The following CNOT6L variants were observed in gnomAD, a reference collection of about 807,000 sequenced individuals.
CNOT6L encodes the protein CCR4-NOT transcription complex subunit 6 like.
CNOT6L carries 7 observed loss-of-function variants against 64.0 expected under a neutral mutation model. The ratio of observed to expected loss-of-function variants is 0.11; its 90% CI spans 0.06 to 0.21. CNOT6L has a LOEUF of 0.21. CNOT6L is among the 10% of genes least tolerant of loss of function. CNOT6L has a pLI of 1.00. For missense variants in CNOT6L, 245 were observed against 669.0 expected (o/e 0.37, Z 6.99); for synonymous variants, 193 against 243.4 (o/e 0.79, Z 1.93).
chr4:77,716,407 A>C lies in CNOT6L; in HGVS notation c.*4024T>G, dbSNP rs2109831648. On this transcript the variant is annotated 3_prime_UTR_variant, in exon 12 of 12. Coordinates refer to ENST00000504123, the MANE Select transcript of CNOT6L (RefSeq NM_144571.3). ...TTAGGAATGACATAATGATGTGGTT[A>C]TATGCCTCTGGTTCTTCAAAGAATG... The C allele has an allele frequency of 6.6e-6, 1 of 152,240 alleles. No homozygotes were observed. The highest frequency in any genetic ancestry group is 2.1e-4 in the South Asian group (1 of 4,832). The allele number at this position is 152,240 out of a possible 1,614,324, so 9.4% of individuals were successfully genotyped here.
intron 1 of CNOT6L, among the ~76,000 whole-genome samples, chr4:77,795,601 T>C (rs1469267293): frequency 2.0e-5 from 3 of 152,152 alleles, no homozygotes; most frequent in East Asian, 1.9e-4. Context: ...GTCTCTCTCC[T>C]GCTGGCCTTG....
intron 1 of CNOT6L, among the ~76,000 whole-genome samples, chr4:77,789,807 T>G (rs1729908736): frequency 6.6e-6 from 1 of 151,814 alleles, no homozygotes; most frequent in Non-Finnish European, 1.5e-5. Flanking sequence ...AAAAATTAGC[T>G]GGGCATTGTG....
At chr4:77,738,750 T>A (rs1368400521) in intron 8 of CNOT6L, among the ~76,000 whole-genome samples, 2 of 15,342 alleles carry the variant, frequency 1.3e-4, no homozygotes, top group Non-Finnish European at 1.7e-4. Context: ...TGAAACTCCG[T>A]CTCAAAAAAA....
intron 1 of CNOT6L, chr4:77,819,076 C>T: frequency 3.5e-6 from 1 of 282,484 alleles, no homozygotes; most frequent in East Asian, 6.1e-5. Context: ...ACACACACAC[C>T]CCGGAACCTT....
chr4:77,784,500 AT>A (rs71214369), intron 1 of CNOT6L, among the ~76,000 whole-genome samples: 3,023 of 144,650 alleles, frequency 0.021, 89 homozygotes, highest in African/African-American at 0.068. Flanking sequence ...AATATAATCT[AT>A]TTTTTTTTTT....
intron 3 of CNOT6L, among the ~76,000 whole-genome samples, chr4:77,774,021 T>C (rs1305247783): frequency 3.9e-5 from 6 of 152,202 alleles, no homozygotes; most frequent in African/African-American, 1.4e-4. Flanking sequence ...CAGATAATCA[T>C]TGGAAACATT....
At chr4:77,769,079 C>T (rs1375062357) in intron 4 of CNOT6L, among the ~76,000 whole-genome samples, 1 of 152,108 alleles carries the variant, frequency 6.6e-6, no homozygotes, top group Non-Finnish European at 1.5e-5. Flanking sequence ...GAATACAATA[C>T]AGCAGTAAAA....
Position 77,770,625 on chromosome 4 carries a change from G to A in CNOT6L, c.400+2456C>T, listed in dbSNP as rs1429564109. 2.1e-5 allele frequency among the ~76,000 whole-genome samples: 3 copies of A among 143,054 alleles called. No individual in the cohort carries two copies. The East Asian group carries it at 6.2e-4, about 30-fold the overall frequency. 93.8% of individuals were successfully genotyped at this position (143,054 alleles called of 152,430 possible). ...TACATATAGGTACTTACAACAAATT[G>A]AAATTTAATAAAAAAGAATTTAACC... On this transcript the variant is annotated intron_variant, in intron 4 of 11. Coordinates refer to ENST00000504123, the MANE Select transcript of CNOT6L (RefSeq NM_144571.3).
At chr4:77,739,999 A>G (rs1297574355) in intron 8 of CNOT6L, among the ~76,000 whole-genome samples, 1 of 149,010 alleles carries the variant, frequency 6.7e-6, no homozygotes, top group East Asian at 2.0e-4. Flanking sequence ...AAAGAGCCTG[A>G]TGTTAGATGT....
At chr4:77,759,522 G>A (rs553490512) in intron 4 of CNOT6L, among the ~76,000 whole-genome samples, 8 of 151,182 alleles carry the variant, frequency 5.3e-5, no homozygotes, top group East Asian at 2.0e-4. Flanking sequence ...CCGAGATTGC[G>A]CCACTGCACT....
intron 10 of CNOT6L, among the ~76,000 whole-genome samples, chr4:77,726,621 C>A (rs1206354940): frequency 6.6e-6 from 1 of 152,154 alleles, no homozygotes; most frequent in Non-Finnish European, 1.5e-5. Context: ...TCAAAGATAT[C>A]CTTAGTTTTC....
intron 1 of CNOT6L, among the ~76,000 whole-genome samples, chr4:77,809,465 T>C (rs1272471114): frequency 6.6e-6 from 1 of 152,198 alleles, no homozygotes; most frequent in Non-Finnish European, 1.5e-5. Context: ...ATTCTGACAG[T>C]GTTTCAAGGC....
At chr4:77,774,842 A>C in intron 2 of CNOT6L, 126 bp from the exon 3 acceptor site, 2 of 567,722 alleles carry the variant, frequency 3.5e-6, no homozygotes, top group Non-Finnish European at 5.8e-6. Context: ...TGACATTTTA[A>C]TTTTTTATTT....
Position 77,714,594 on chromosome 4 carries a change from G to GTTGT in CNOT6L, c.*5833_*5836dup, listed in dbSNP as rs1471671034. On this transcript the variant is annotated 3_prime_UTR_variant, in exon 12 of 12. Coordinates refer to ENST00000504123, the MANE Select transcript of CNOT6L (RefSeq NM_144571.3). ...ATCTCAGCTTCTCCAAGATGAAAAA[G>GTTGT]TTGTTTGCATTTGGACAACAACTGT... The GTTGT allele has an allele frequency of 1.3e-5, 2 of 152,352 alleles. No individual in the cohort carries two copies. Among genetic ancestry groups the GTTGT allele is most frequent in the East Asian group, 1.9e-4 (1 of 5,178 alleles). The allele number at this position is 152,352 out of a possible 1,614,324, so 9.4% of individuals were successfully genotyped here. A position where few individuals can be genotyped will look rare whatever the true frequency, so the allele number is the denominator to read the frequency against.
At chr4:77,745,899 A>C (rs1319154391) in intron 6 of CNOT6L, among the ~76,000 whole-genome samples, 1 of 152,178 alleles carries the variant, frequency 6.6e-6, no homozygotes. Context: ...AGATGATGGA[A>C]AAGGTATTAA....
chr4:77,778,122 A>G (rs1272934566), intron 1 of CNOT6L, among the ~76,000 whole-genome samples: 1 of 152,224 alleles, frequency 6.6e-6, no homozygotes, highest in Non-Finnish European at 1.5e-5. Flanking sequence ...TCCGCAGGAG[A>G]AAAATTTGAT....
At chr4:77,801,552 G>A (rs1376570930) in intron 1 of CNOT6L, among the ~76,000 whole-genome samples, 1 of 151,948 alleles carries the variant, frequency 6.6e-6, no homozygotes, top group Non-Finnish European at 1.5e-5. Context: ...AAGAGTCAAG[G>A]AATACAGTTT....
chr4:77,743,488 A>AAAAT (rs1160165906), intron 7 of CNOT6L, among the ~76,000 whole-genome samples: 1 of 151,920 alleles, frequency 6.6e-6, no homozygotes, highest in African/African-American at 2.4e-5. Context: ...AAGCAACCTA[A>AAAAT]AAATAAATTA....
At chr4:77,751,404 T>C (rs1195798128) in intron 5 of CNOT6L, among the ~76,000 whole-genome samples, 1 of 152,108 alleles carries the variant, frequency 6.6e-6, no homozygotes, top group Non-Finnish European at 1.5e-5. Flanking sequence ...GGAACTATAA[T>C]TTTTTAAAAA....
Sources: allele counts gnomAD v4.1 joint callset (sites outside exome capture counted in the v4.1 genomes callset), GRCh38; gene constraint gnomAD v4.1.1; transcripts MANE v1.5; gene names NCBI Gene and HGNC (gene_info 2026-07-23, HGNC 2026-07-21).